ARMH3: variants seen among roughly 807,000 people sequenced by gnomAD.
The protein encoded by ARMH3 is armadillo-like helical domain-containing protein 3.
ARMH3 carries 60 observed loss-of-function variants against 99.1 expected under a neutral mutation model. The ratio of observed to expected loss-of-function variants is 0.61; its 90% CI spans 0.49 to 0.75. The LOEUF is 0.75. Among genes scored for constraint, ARMH3 ranks in the 30% least tolerant of loss-of-function variants. ARMH3 has a pLI of 0.00. For missense variants in ARMH3, 679 were observed against 843.1 expected (o/e 0.81, Z 2.41); for synonymous variants, 285 against 292.8 (o/e 0.97, Z 0.27).
intron 23 of ARMH3, among the ~76,000 whole-genome samples, chr10:101,909,147 C>T (rs1169767658): frequency 6.6e-6 from 1 of 151,718 alleles, no homozygotes; most frequent in African/African-American, 2.4e-5. Flanking sequence ...TGGCTCACTC[C>T]TATAATCCCA....
At chr10:101,911,048 G>A (rs1327245032) in intron 23 of ARMH3, among the ~76,000 whole-genome samples, 1 of 151,526 alleles carries the variant, frequency 6.6e-6, no homozygotes, top group African/African-American at 2.4e-5. Flanking sequence ...ACTGATGCAG[G>A]AGAATCGCTT....
rs565167400 is a variant in ARMH3, at chr10:101,904,053, T to C, written c.1782-14563A>G. On this transcript the variant is annotated intron_variant, in intron 23 of 25. Coordinates refer to ENST00000370033, the MANE Select transcript of ARMH3 (RefSeq NM_024541.3). ...GCGGCTGTCAGTCTCCAGCTGGTGA[T>C]GCAGCTGTTCCACTTAAAGCCACAC... Among the ~76,000 whole-genome samples, 3 of 152,372 alleles carry C rather than the reference T, an allele frequency of 2.0e-5. No individual in the cohort carries two copies. In the East Asian group the frequency reaches 5.8e-4, roughly 29 times the overall value.
chr10:101,990,649 T>C lies in ARMH3; in HGVS notation c.1346-38A>G, dbSNP rs1223978585. The C allele has an allele frequency of 2.0e-6, 3 of 1,505,786 alleles. 1 individual carries two copies. In the South Asian group the frequency reaches 3.4e-5, roughly 17 times the overall value. 93.3% of individuals were successfully genotyped at this position (1,505,786 alleles called of 1,614,324 possible). ...TAGAGAAAAACTGGATCAATTACAATGGAATTCATTTCTTGTCTTTGAGTT... is the reference window on the plus strand; with the variant it reads ...TAGAGAAAAACTGGATCAATTACAACGGAATTCATTTCTTGTCTTTGAGTT... On this transcript the variant is annotated intron_variant, in intron 18 of 25. Transcript: ENST00000370033.
intron 22 of ARMH3, among the ~76,000 whole-genome samples, chr10:101,947,222 T>C (rs1188808408): frequency 1.3e-5 from 2 of 151,676 alleles, no homozygotes; most frequent in African/African-American, 4.8e-5. Flanking sequence ...AAAAACAACA[T>C]ACTACAAACA....
At chr10:101,859,493 G>C (rs1016734182) in intron 24 of ARMH3, among the ~76,000 whole-genome samples, 2 of 152,206 alleles carry the variant, frequency 1.3e-5, no homozygotes, top group Middle Eastern at 3.2e-3. Flanking sequence ...CAAAAGATGA[G>C]CAAAAGATGA....
intron 14 of ARMH3, among the ~76,000 whole-genome samples, chr10:102,005,671 C>G (rs984973095): frequency 1.3e-5 from 2 of 152,208 alleles, no homozygotes; most frequent in African/African-American, 4.8e-5. Context: ...GCTACAACAT[C>G]AAATATTAAC....
chr10:102,017,343 TTCTTCTGG>T (rs1207403704), intron 8 of ARMH3, among the ~76,000 whole-genome samples: 80 of 152,326 alleles, frequency 5.3e-4, no homozygotes, highest in African/African-American at 1.9e-3. Flanking sequence ...ACTACATTAA[TTCTTCTGG>T]GGGCTTCTGA....
intron 23 of ARMH3, among the ~76,000 whole-genome samples, chr10:101,912,739 T>C (rs1379000909): frequency 2.0e-5 from 3 of 152,200 alleles, no homozygotes; most frequent in Non-Finnish European, 4.4e-5. Flanking sequence ...ATCCATCTTG[T>C]TCCTAATCTT....
chr10:102,033,299 T>C lies in ARMH3; in HGVS notation c.143A>G (p.Glu48Gly). 1 of 1,614,058 alleles carries C rather than the reference T, an allele frequency of 6.2e-7. No individual in the cohort carries two copies. ...PSKCSPRFWE[E>G]LFLMKVNLEY... is the part of the protein sequence containing the mutation. ...AACTCTTACCTTCATGAGAAAGAGCTCCTCCCAAAACCGAGGACTGCACTT... is the reference window on the plus strand; with the variant it reads ...AACTCTTACCTTCATGAGAAAGAGCCCCTCCCAAAACCGAGGACTGCACTT... The change falls in exon 3 of 26, where the codon GAG (glutamate) becomes GGG (glycine). Residue 48 changes from glutamate to glycine, a missense_variant. Around this residue, in one of 3 missense-constraint regions of ARMH3, gnomAD observed 280 missense variants for 354.6 expected, o/e 0.79. Coordinates refer to ENST00000370033, the MANE Select transcript of ARMH3 (RefSeq NM_024541.3).
At chr10:101,866,337 G>A (rs970289122) in intron 24 of ARMH3, among the ~76,000 whole-genome samples, 1 of 152,096 alleles carries the variant, frequency 6.6e-6, no homozygotes, top group Non-Finnish European at 1.5e-5. Context: ...TGCCATGAGA[G>A]AGACTGAAAG....
At chr10:102,041,684 C>T (rs913355862) in intron 1 of ARMH3, among the ~76,000 whole-genome samples, 2 of 151,440 alleles carry the variant, frequency 1.3e-5, no homozygotes, top group African/African-American at 4.9e-5. Flanking sequence ...GGAGTCTCAC[C>T]CTGTCACCCA....
intron 20 of ARMH3, among the ~76,000 whole-genome samples, chr10:101,969,218 G>A (rs1377364341): frequency 1.3e-5 from 2 of 152,146 alleles, no homozygotes; most frequent in Non-Finnish European, 2.9e-5. Context: ...TGTCATCACT[G>A]GAGGAAGCTG....
intron 23 of ARMH3, among the ~76,000 whole-genome samples, chr10:101,910,331 C>T (rs1033647562): frequency 3.9e-5 from 6 of 152,166 alleles, no homozygotes; most frequent in Non-Finnish European, 2.9e-5. Context: ...CTTTCCAGCA[C>T]TGAACTGGGA....
intron 24 of ARMH3, among the ~76,000 whole-genome samples, chr10:101,887,333 T>C (rs1011761024): frequency 3.3e-5 from 5 of 152,088 alleles, no homozygotes; most frequent in Non-Finnish European, 7.4e-5. Flanking sequence ...CTAAGATTAT[T>C]CACCACTGAT....
At chr10:101,967,554 T>C (rs1028582826) in intron 20 of ARMH3, among the ~76,000 whole-genome samples, 9 of 152,056 alleles carry the variant, frequency 5.9e-5, no homozygotes, top group Non-Finnish European at 1.2e-4. Flanking sequence ...CCGGCCAACA[T>C]GGTAAAAGCC....
intron 23 of ARMH3, among the ~76,000 whole-genome samples, chr10:101,938,952 G>A (rs530410642): frequency 6.6e-6 from 1 of 152,260 alleles, no homozygotes; most frequent in South Asian, 2.1e-4. Context: ...AAACAGGGTA[G>A]TAAATCACTG....
chr10:101,957,821 CAGA>C, intron 20 of ARMH3, 89 bp from the exon 21 acceptor site: 2 of 1,475,032 alleles, frequency 1.4e-6, no homozygotes, highest in Non-Finnish European at 8.9e-7. Flanking sequence ...AAAAAAAATC[CAGA>C]AGGTTAGAGT....
chr10:101,957,119 A>C (rs1191358887), intron 21 of ARMH3, among the ~76,000 whole-genome samples: 1 of 152,238 alleles, frequency 6.6e-6, no homozygotes, highest in East Asian at 1.9e-4. Context: ...TGGTGGGTGT[A>C]GCTCTACAAT....
intron 20 of ARMH3, among the ~76,000 whole-genome samples, chr10:101,958,090 G>GT (rs1845120364): frequency 1.3e-5 from 2 of 152,160 alleles, no homozygotes; most frequent in South Asian, 2.1e-4. Context: ...GAAAATGAGG[G>GT]TCCCCCTTCC....
Sources: allele counts gnomAD v4.1 joint callset (sites outside exome capture counted in the v4.1 genomes callset), GRCh38; gene constraint gnomAD v4.1.1; regional missense constraint gnomAD v4.1.1; transcripts MANE v1.5; gene names NCBI Gene and HGNC (gene_info 2026-07-23, HGNC 2026-07-21).